DUSP7: variants seen among roughly 807,000 people sequenced by gnomAD.
The protein encoded by DUSP7 is dual specificity protein phosphatase 7.
In DUSP7, 7 loss-of-function variants were observed where a neutral mutation model predicts 29.8. That is an observed-to-expected ratio of 0.24 (90% CI 0.13 to 0.44). The LOEUF (loss-of-function observed/expected upper bound fraction) is 0.44. Among genes scored for constraint, DUSP7 ranks in the 20% least tolerant of loss-of-function variants. The pLI, the probability that DUSP7 is intolerant of heterozygous loss-of-function variation, is 1.00. For missense variants in DUSP7, 400 were observed against 583.7 expected (o/e 0.69, Z 3.24); for synonymous variants, 287 against 275.4 (o/e 1.04, Z -0.42).
chr3:52,056,521 C>A lies in DUSP7; in HGVS notation c.-155G>T. The A allele has an allele frequency of 4.8e-6, 1 of 207,676 alleles. No homozygotes were observed. Among genetic ancestry groups the A allele is most frequent in the South Asian group, 1.6e-4 (1 of 6,268 alleles). 12.9% of individuals were successfully genotyped at this position (207,676 alleles called of 1,614,324 possible). On this transcript the variant is annotated 5_prime_UTR_variant, in exon 1 of 3. Transcript: ENST00000495880. This position sits in a 1 kb window ranked among gnomAD's most constrained non-coding sequence, Gnocchi z 6.4. ...CCCGGCCTCCCGGCCTCCGTCCCGC[C>A]CGCCCGCCCGGCCCTCCGCGCGCAC...
At chr3:52,055,730 G>A in intron 1 of DUSP7, 120 bp downstream of exon 1, 1 of 1,265,982 alleles carries the variant, frequency 7.9e-7, no homozygotes, top group Non-Finnish European at 1.0e-6. Context: ...TGCGGGCCGG[G>A]GACGACGTGG....
Position 52,054,028 on chromosome 3 carries a change from G to A in DUSP7, c.864C>T (p.Gly288=), listed in dbSNP as rs373923494. The A allele has an allele frequency of 1.4e-5, 22 of 1,614,214 alleles. 2 individuals carry two copies. Among genetic ancestry groups the A allele is most frequent in the Admixed American group, 6.7e-5 (4 of 60,028 alleles). The part of the protein sequence containing the change: ...TPNLPNAFEH[G]GEFTYKQIPI... ...GGATCTGCTTGTAGGTGAACTCGCC[G>A]CCGTGCTCGAAGGCGTTGGGTAGGT... Residue 288 remains glycine, a synonymous_variant, in exon 2 of 3, where the codon GGC becomes GGT. Coordinates refer to ENST00000495880, the MANE Select transcript of DUSP7 (RefSeq NM_001947.4). This position sits in a 1 kb window ranked among gnomAD's most constrained non-coding sequence, Gnocchi z 4.1.
Position 52,050,079 on chromosome 3 carries a change from T to G in DUSP7, c.*736A>C, listed in dbSNP as rs1229539819. On this transcript the variant is annotated 3_prime_UTR_variant, in exon 3 of 3. Coordinates refer to ENST00000495880, the MANE Select transcript of DUSP7 (RefSeq NM_001947.4). This position sits in a 1 kb window ranked among gnomAD's most constrained non-coding sequence, Gnocchi z 5.0. The stretch of plus-strand genomic sequence containing the variant: ...AGGCGAATGCAGAGCTAAGTCAGAC[T>G]GGGCCAAGGGTGGGAGGCGGCACGA... 1 of 152,190 alleles carries G rather than the reference T, an allele frequency of 6.6e-6. No individual in the cohort carries two copies. Among genetic ancestry groups the G allele is most frequent in the African/African-American group, 2.4e-5 (1 of 41,424 alleles). 9.4% of individuals were successfully genotyped at this position (152,190 alleles called of 1,614,324 possible). A position where few individuals can be genotyped will look rare whatever the true frequency, so the allele number is the denominator to read the frequency against.
rs1701847100 is a variant in DUSP7 at position 52,051,524 on chromosome 3, C to T, written c.953-402G>A. 1 of 180,656 alleles carries T rather than the reference C, an allele frequency of 5.5e-6. No individual in the cohort carries two copies. Among genetic ancestry groups the T allele is most frequent in the Non-Finnish European group, 1.2e-5 (1 of 85,406 alleles). 11.2% of individuals were successfully genotyped at this position (180,656 alleles called of 1,614,324 possible). On this transcript the variant is annotated intron_variant, in intron 2 of 2. Transcript: ENST00000495880. This position sits in a 1 kb window ranked among gnomAD's most constrained non-coding sequence, Gnocchi z 4.8. ...TGCTGTCACGGGTGTCACCTGCATC[C>T]TCTTGGGTCATCTGCACCATGGCCA... is the stretch of plus-strand genomic sequence containing the variant.
At position 52,054,414 on chromosome 3, in the gene DUSP7, T is replaced by A; in HGVS notation, c.518-40A>T. 1 of 1,499,712 alleles carries A rather than the reference T, an allele frequency of 6.7e-7. No individual in the cohort carries two copies. Among genetic ancestry groups the A allele is most frequent in the Non-Finnish European group, 8.9e-7 (1 of 1,120,102 alleles). 92.9% of individuals were successfully genotyped at this position (1,499,712 alleles called of 1,614,324 possible). ...AGACAGGGCCTGGGTGAGAGGCTGG[T>A]GAGAGCCCAGATGGGCTGCACAAGA... On this transcript the variant is annotated intron_variant, in intron 1 of 2. Coordinates refer to ENST00000495880, the MANE Select transcript of DUSP7 (RefSeq NM_001947.4). This position sits in a 1 kb window ranked among gnomAD's most constrained non-coding sequence, Gnocchi z 4.1.
Position 52,050,489 on chromosome 3 carries a change from C to T in DUSP7, c.*326G>A, listed in dbSNP as rs907028752. 8.1e-6 allele frequency: 2 copies of T among 246,622 alleles called. No homozygotes were observed. The highest frequency in any genetic ancestry group is 2.2e-5 in the African/African-American group (1 of 44,826). 15.3% of individuals were successfully genotyped at this position (246,622 alleles called of 1,614,324 possible). A position where few individuals can be genotyped will look rare whatever the true frequency, so the allele number is the denominator to read the frequency against. On this transcript the variant is annotated 3_prime_UTR_variant, in exon 3 of 3. Coordinates refer to ENST00000495880, the MANE Select transcript of DUSP7 (RefSeq NM_001947.4). The surrounding 1 kb of genome is among the most constrained non-coding windows in gnomAD (Gnocchi z 5.0). ...CAAAAGTAAAAAGTAAACTCAGGTC[C>T]GTGGATGTGTCTTTAAAAAACAGCC...
In DUSP7 at chr3:52,053,767, G is replaced by T; in HGVS notation, c.952+173C>A. ...GCCCCAACAGGTAGAGGGGCCCAAG[G>T]GACTCGGTGACTCACAGTAGGCCTG... On this transcript the variant is annotated intron_variant, in intron 2 of 2. Transcript: ENST00000495880. This position sits in a 1 kb window ranked among gnomAD's most constrained non-coding sequence, Gnocchi z 4.6. 1 of 689,870 alleles carries T rather than the reference G, an allele frequency of 1.4e-6. No individual in the cohort carries two copies. The highest frequency in any genetic ancestry group is 2.4e-6 in the Non-Finnish European group (1 of 409,618). 42.7% of individuals were successfully genotyped at this position (689,870 alleles called of 1,614,324 possible). A position where few individuals can be genotyped will look rare whatever the true frequency, so the allele number is the denominator to read the frequency against.
chr3:52,054,748 G>A lies in DUSP7; in HGVS notation c.518-374C>T, dbSNP rs1465966783. On this transcript the variant is annotated intron_variant, in intron 1 of 2. Coordinates refer to ENST00000495880, the MANE Select transcript of DUSP7 (RefSeq NM_001947.4). This position sits in a 1 kb window ranked among gnomAD's most constrained non-coding sequence, Gnocchi z 4.1. ...CCCATGGGTGTTCAGTAACAGCTAA[G>A]TGGTAAAGAAAAGCAGACAACCCCA... 1.3e-5 allele frequency among the ~76,000 whole-genome samples: 2 copies of A among 152,224 alleles called. No homozygotes were observed. Among genetic ancestry groups the A allele is most frequent in the African/African-American group, 2.4e-5 (1 of 41,460 alleles).
At position 52,050,606 on chromosome 3, in the gene DUSP7, C is replaced by T. The variant is rs978363248; in HGVS notation, c.*209G>A. On this transcript the variant is annotated 3_prime_UTR_variant, in exon 3 of 3. Coordinates refer to ENST00000495880, the MANE Select transcript of DUSP7 (RefSeq NM_001947.4). The surrounding 1 kb of genome is among the most constrained non-coding windows in gnomAD (Gnocchi z 5.0). ...GCCACGTGTCCAAGAGCCGAGGCCTCTCCAGCAAGCCCTGCAGTGGGAGAC... is the reference window on the plus strand; with the variant it reads ...GCCACGTGTCCAAGAGCCGAGGCCTTTCCAGCAAGCCCTGCAGTGGGAGAC... 13 of 609,442 alleles carry T rather than the reference C, an allele frequency of 2.1e-5. No homozygotes were observed. In the Admixed American group the frequency reaches 4.2e-4, roughly 20 times the overall value. 37.8% of individuals were successfully genotyped at this position (609,442 alleles called of 1,614,324 possible). A position where few individuals can be genotyped will look rare whatever the true frequency, so the allele number is the denominator to read the frequency against.
At position 52,053,917 on chromosome 3, in the gene DUSP7, C is replaced by T. The variant is rs762585663; in HGVS notation, c.952+23G>A. ...ATACACCTTGATGCACCCACACCCCCCTGCCCAGCACACAGCACCTACCAA... is the reference window on the plus strand; with the variant it reads ...ATACACCTTGATGCACCCACACCCCTCTGCCCAGCACACAGCACCTACCAA... On this transcript the variant is annotated intron_variant, in intron 2 of 2. Coordinates refer to ENST00000495880, the MANE Select transcript of DUSP7 (RefSeq NM_001947.4). The surrounding 1 kb of genome is among the most constrained non-coding windows in gnomAD (Gnocchi z 4.6). 1.2e-6 allele frequency: 2 copies of T among 1,613,994 alleles called. No homozygotes were observed. The highest frequency in any genetic ancestry group is 2.2e-5 in the South Asian group (2 of 91,074).
In DUSP7 at chr3:52,051,470, G is replaced by T. The variant is rs1577766487; in HGVS notation, c.953-348C>A. ...ACTGTAATGCCTGTGATCATGGCTAGTCCTACCACTGCCATGTGCGTTAAC... is the reference window on the plus strand; with the variant it reads ...ACTGTAATGCCTGTGATCATGGCTATTCCTACCACTGCCATGTGCGTTAAC... On this transcript the variant is annotated intron_variant, in intron 2 of 2. Transcript: ENST00000495880. The surrounding 1 kb of genome is among the most constrained non-coding windows in gnomAD (Gnocchi z 4.8). Among the ~76,000 whole-genome samples the T allele has an allele frequency of 6.6e-6, 1 of 152,244 alleles. No homozygotes were observed. Among genetic ancestry groups the T allele is most frequent in the Admixed American group, 6.5e-5 (1 of 15,290 alleles).
chr3:52,051,350 A>C lies in DUSP7; in HGVS notation c.953-228T>G, dbSNP rs1165009658. Reference sequence around the variant, plus strand: ...ACACTTTAGCCCCAAGGCACTGGACACCCGTGTCTGTTTCCTCATCTATAA... The same window carrying C: ...ACACTTTAGCCCCAAGGCACTGGACCCCCGTGTCTGTTTCCTCATCTATAA... On this transcript the variant is annotated intron_variant, in intron 2 of 2. Coordinates refer to ENST00000495880, the MANE Select transcript of DUSP7 (RefSeq NM_001947.4). This position sits in a 1 kb window ranked among gnomAD's most constrained non-coding sequence, Gnocchi z 4.8. Among the ~76,000 whole-genome samples the C allele has an allele frequency of 1.3e-5, 2 of 152,126 alleles. No homozygotes were observed. The highest frequency in any genetic ancestry group is 2.9e-5 in the Non-Finnish European group (2 of 68,002).
Position 52,053,059 on chromosome 3 carries a change from C to T in DUSP7, c.952+881G>A, listed in dbSNP as rs1338342545. The stretch of plus-strand genomic sequence containing the variant: ...AGCCCAGCCGACACCAAAACGCCCT[C>T]CACTGGACACAGCCACCATCGGGAA... On this transcript the variant is annotated intron_variant, in intron 2 of 2. Transcript: ENST00000495880. The surrounding 1 kb of genome is among the most constrained non-coding windows in gnomAD (Gnocchi z 4.6). The T allele has an allele frequency of 6.6e-6, 1 of 152,406 alleles. No individual in the cohort carries two copies. Among genetic ancestry groups the T allele is most frequent in the Non-Finnish European group, 1.5e-5 (1 of 68,158 alleles). The allele number at this position is 152,406 out of a possible 1,614,324, so 9.4% of individuals were successfully genotyped here.
At chr3:52,052,208 C>T (rs1047242390) in intron 2 of DUSP7, 16 of 152,254 alleles carry the variant, frequency 1.1e-4, no homozygotes, top group Admixed American at 8.5e-4. Context: ...CCTTGATGTC[C>T]CCACCACCCT....
At position 52,056,564 on chromosome 3, in the gene DUSP7, A is replaced by G. The variant is rs1701904334; in HGVS notation, c.-198T>C. ...GCGCGCACCGCGGCCTGACAGCCCC[A>G]ATTAAACGGCGGCTCCGGCGGCCGC... On this transcript the variant is annotated 5_prime_UTR_variant, in exon 1 of 3. Transcript: ENST00000495880. The surrounding 1 kb of genome is among the most constrained non-coding windows in gnomAD (Gnocchi z 6.4). 6.2e-6 allele frequency: 1 copy of G among 160,022 alleles called. No homozygotes were observed. The highest frequency in any genetic ancestry group is 6.7e-5 in the Admixed American group (1 of 14,982). The allele number at this position is 160,022 out of a possible 1,614,324, so 9.9% of individuals were successfully genotyped here. A position where few individuals can be genotyped will look rare whatever the true frequency, so the allele number is the denominator to read the frequency against.
chr3:52,051,184 G>C lies in DUSP7; in HGVS notation c.953-62C>G, dbSNP rs1300141083. Reference sequence around the variant, plus strand: ...TTCAAGGAGCCTTCCCACATGGGTGGGCAGGTGGGGCTGGGGCACAGAGGG... The same window carrying C: ...TTCAAGGAGCCTTCCCACATGGGTGCGCAGGTGGGGCTGGGGCACAGAGGG... On this transcript the variant is annotated intron_variant, in intron 2 of 2. Coordinates refer to ENST00000495880, the MANE Select transcript of DUSP7 (RefSeq NM_001947.4). The surrounding 1 kb of genome is among the most constrained non-coding windows in gnomAD (Gnocchi z 4.8). 4 of 1,534,892 alleles carry C rather than the reference G, an allele frequency of 2.6e-6. No homozygotes were observed. The highest frequency in any genetic ancestry group is 3.5e-6 in the Non-Finnish European group (4 of 1,140,954).
In DUSP7 at chr3:52,054,281, A is replaced by G. The variant is rs776446929; in HGVS notation, c.611T>C (p.Val204Ala). ...GATGCGCAGGCCCCCCAGGCCCAGC[A>G]CTGAGGTGGGTGGCGAGCTGCTCGG... ...SSPSSSPPTSVLGLGGLRISS... is the reference protein window; with the variant it reads ...SSPSSSPPTSALGLGGLRISS... The change falls in exon 2 of 3, where the codon GTG becomes GCG. Residue 204 changes from valine (V) to alanine (A), a missense_variant. Around this residue, in one of 4 missense-constraint regions of DUSP7, gnomAD observed 223 missense variants for 360.9 expected, o/e 0.62. Transcript: ENST00000495880. This position sits in a 1 kb window ranked among gnomAD's most constrained non-coding sequence, Gnocchi z 4.1. 4 of 1,602,796 alleles carry G rather than the reference A, an allele frequency of 2.5e-6. No individual in the cohort carries two copies. In the African/African-American group the frequency reaches 5.4e-5, roughly 21 times the overall value.
At position 52,051,347 on chromosome 3, in the gene DUSP7, G is replaced by A. The variant is rs937280078; in HGVS notation, c.953-225C>T. 6.6e-6 allele frequency among the ~76,000 whole-genome samples: 1 copy of A among 152,224 alleles called. No individual in the cohort carries two copies. The highest frequency in any genetic ancestry group is 1.5e-5 in the Non-Finnish European group (1 of 68,034). On this transcript the variant is annotated intron_variant, in intron 2 of 2. Transcript: ENST00000495880. This position sits in a 1 kb window ranked among gnomAD's most constrained non-coding sequence, Gnocchi z 4.8. ...TGCACACTTTAGCCCCAAGGCACTG[G>A]ACACCCGTGTCTGTTTCCTCATCTA... is the stretch of plus-strand genomic sequence containing the variant.
In DUSP7 at chr3:52,050,799, C is replaced by T; in HGVS notation, c.*16G>A. The T allele has an allele frequency of 1.9e-6, 3 of 1,601,992 alleles. No homozygotes were observed. The highest frequency in any genetic ancestry group is 2.6e-6 in the Non-Finnish European group (3 of 1,171,070). The stretch of plus-strand genomic sequence containing the variant: ...CCGAGCAGGGGCCTGGTGCCATGCC[C>T]CCCGTGCACCAGGCCTCACGTGGAC... On this transcript the variant is annotated 3_prime_UTR_variant, in exon 3 of 3. Transcript: ENST00000495880. The surrounding 1 kb of genome is among the most constrained non-coding windows in gnomAD (Gnocchi z 5.0).
Sources: gnomAD v4.1 joint callset for allele counts (sites outside exome capture counted in the v4.1 genomes callset) on GRCh38, gnomAD v4.1.1 for gene constraint, gnomAD v4.1.1 regional missense constraint, Gnocchi (gnomAD v3.1) non-coding constraint, MANE v1.5 for transcripts, NCBI Gene and HGNC (gene_info 2026-07-23, HGNC 2026-07-21) for gene names.